Variants in LEMD1 observed in about 807,000 individuals in gnomAD.
The protein encoded by LEMD1 is LEM domain-containing protein 1.
A neutral mutation model predicts 17.4 loss-of-function variants in LEMD1; 18 were observed. That is an observed-to-expected ratio of 1.04 (90% CI 0.72 to 1.54). LEMD1 has a LOEUF of 1.54. Among genes scored for constraint, LEMD1 ranks in the 40% most tolerant of loss-of-function variants. The pLI is 0.00. For missense variants in LEMD1, 195 were observed against 210.4 expected (o/e 0.93, Z 0.45); for synonymous variants, 88 against 77.8 (o/e 1.13, Z -0.69).
intron 4 of LEMD1, among the ~76,000 whole-genome samples, chr1:205,406,312 G>T (rs1665100019): frequency 6.6e-6 from 1 of 152,236 alleles, no homozygotes; most frequent in African/African-American, 2.4e-5. Flanking sequence ...CCCAGAGGTG[G>T]AGCCTACAGA....
chr1:205,438,091 C>A (rs1287366933), intron 1 of LEMD1, among the ~76,000 whole-genome samples: 1 of 152,202 alleles, frequency 6.6e-6, no homozygotes, highest in Non-Finnish European at 1.5e-5. Flanking sequence ...CTAGGCAACA[C>A]TCAAGTCACA....
Position 205,448,029 on chromosome 1 carries a change from G to C in LEMD1, c.-39+1839C>G, listed in dbSNP as rs1431338768. Among the ~76,000 whole-genome samples the C allele has an allele frequency of 6.6e-6, 1 of 152,178 alleles. No homozygotes were observed. Among genetic ancestry groups the C allele is most frequent in the Non-Finnish European group, 1.5e-5 (1 of 68,028 alleles). ...CAGGCCTCAGTAATTTGGCAAGGGG[G>C]AAGGAACCGACTCAGAAAGCTCAGC... On this transcript the variant is annotated intron_variant, in intron 1 of 3. Transcript: ENST00000367154. This position sits in a 1 kb window ranked among gnomAD's most constrained non-coding sequence, Gnocchi z 4.7.
In LEMD1 at chr1:205,410,114, T is replaced by A. The variant is rs575955229; in HGVS notation, c.270+6118A>T. On this transcript the variant is annotated intron_variant, in intron 4 of 5. Transcript: ENST00000367153. ...TTTTTATTTTTCTTGTAGAGATGGGTTCTTGTCATGTTGCCCAAACTGGTC... is the reference window on the plus strand; with the variant it reads ...TTTTTATTTTTCTTGTAGAGATGGGATCTTGTCATGTTGCCCAAACTGGTC... Among the ~76,000 whole-genome samples the A allele has an allele frequency of 4.6e-5, 7 of 151,910 alleles. No individual in the cohort carries two copies. The South Asian group carries it at 1.3e-3, about 27-fold the overall frequency.
intron 4 of LEMD1, among the ~76,000 whole-genome samples, chr1:205,391,163 A>T (rs543239966): frequency 2.0e-5 from 3 of 152,354 alleles, no homozygotes; most frequent in African/African-American, 4.8e-5. Flanking sequence ...GAAGAAAAAA[A>T]AATGGACCAT....
intron 4 of LEMD1, among the ~76,000 whole-genome samples, chr1:205,414,846 C>T (rs980567664): frequency 5.3e-5 from 8 of 152,050 alleles, no homozygotes; most frequent in African/African-American, 1.9e-4. Context: ...TATCATGGTG[C>T]CACTGCACTC....
At chr1:205,389,920 A>G (rs1664246500) in intron 4 of LEMD1, among the ~76,000 whole-genome samples, 1 of 152,254 alleles carries the variant, frequency 6.6e-6, no homozygotes, top group African/African-American at 2.4e-5. Flanking sequence ...CTGATATGAT[A>G]AAGCTTTTAT....
chr1:205,394,654 G>A (rs1203044877), intron 4 of LEMD1, among the ~76,000 whole-genome samples: 1 of 152,010 alleles, frequency 6.6e-6, no homozygotes, highest in African/African-American at 2.4e-5. Context: ...CAAAGTGCTG[G>A]GATTACAGGC....
chr1:205,433,591 C>G (rs567424927), intron 1 of LEMD1, among the ~76,000 whole-genome samples: 52 of 152,324 alleles, frequency 3.4e-4, no homozygotes, highest in African/African-American at 1.2e-3. Flanking sequence ...AGAACAGATT[C>G]AGTCAACAGC....
chr1:205,428,149 T>A (rs759909109), intron 1 of LEMD1, among the ~76,000 whole-genome samples: 3 of 152,232 alleles, frequency 2.0e-5, no homozygotes, highest in East Asian at 1.9e-4. Flanking sequence ...TCCATAATTT[T>A]AAAACATTTA....
chr1:205,384,696 T>C (rs1663903465), intron 4 of LEMD1, among the ~76,000 whole-genome samples: 2 of 152,202 alleles, frequency 1.3e-5, no homozygotes, highest in Non-Finnish European at 2.9e-5. Flanking sequence ...AGCTCTTTTT[T>C]ATGAGCATGC....
intron 1 of LEMD1, among the ~76,000 whole-genome samples, chr1:205,429,171 T>A (rs571027799): frequency 6.6e-6 from 1 of 152,228 alleles, no homozygotes; most frequent in Non-Finnish European, 1.5e-5. Flanking sequence ...CCATCTCCAA[T>A]GACCTAGAGA....
At chr1:205,388,293 G>A (rs1260683058) in intron 4 of LEMD1, among the ~76,000 whole-genome samples, 1 of 152,014 alleles carries the variant, frequency 6.6e-6, no homozygotes, top group East Asian at 1.9e-4. Context: ...CGCCTCCCAG[G>A]TTCAAGTGAT....
chr1:205,447,958 T>C (rs1245751405), intron 1 of LEMD1, among the ~76,000 whole-genome samples: 4 of 152,184 alleles, frequency 2.6e-5, no homozygotes, highest in Non-Finnish European at 4.4e-5. Context: ...CAAGTCTTCA[T>C]GGCCTGAGGC....
intron 4 of LEMD1, among the ~76,000 whole-genome samples, chr1:205,401,626 A>C (rs1403107832): frequency 2.0e-5 from 3 of 151,416 alleles, no homozygotes; most frequent in Non-Finnish European, 2.9e-5. Context: ...GGTTGCAAAA[A>C]TTTTCTCCCA....
chr1:205,411,179 AAAGAAGGAAAGGAAGGAAGGAAGG>A (rs1665385858), intron 4 of LEMD1, among the ~76,000 whole-genome samples: 1 of 146,920 alleles, frequency 6.8e-6, no homozygotes, highest in South Asian at 2.2e-4. Flanking sequence ...AGAAAGAAGG[AAAGAAGGAAAGGAAGGAAGGAAGG>A]AAGAAAGAAA....
At chr1:205,392,738 T>C (rs1438770030) in intron 4 of LEMD1, among the ~76,000 whole-genome samples, 1 of 151,950 alleles carries the variant, frequency 6.6e-6, no homozygotes, top group Non-Finnish European at 1.5e-5. Flanking sequence ...GACCTAACAT[T>C]TGTGTCATCA....
At chr1:205,394,975 A>C (rs1208865449) in intron 4 of LEMD1, among the ~76,000 whole-genome samples, 2 of 151,464 alleles carry the variant, frequency 1.3e-5, no homozygotes, top group Non-Finnish European at 2.9e-5. Context: ...TGACACAGTG[A>C]GACTCCTTCT....
At position 205,448,360 on chromosome 1, in the gene LEMD1, A is replaced by G. The variant is rs1666438961; in HGVS notation, c.-39+1508T>C. Reference sequence around the variant, plus strand: ...AGCCCTACATGAGTTTGGGACAGCAATCACATAGGAATGAAAAGCCATAGG... The same window carrying G: ...AGCCCTACATGAGTTTGGGACAGCAGTCACATAGGAATGAAAAGCCATAGG... On this transcript the variant is annotated intron_variant, in intron 1 of 3. Coordinates refer to the LEMD1 transcript ENST00000367154. This position sits in a 1 kb window ranked among gnomAD's most constrained non-coding sequence, Gnocchi z 4.7. 3.7e-6 allele frequency: 2 copies of G among 534,454 alleles called. No homozygotes were observed. Among genetic ancestry groups the G allele is most frequent in the Non-Finnish European group, 7.7e-6 (2 of 259,994 alleles). 33.1% of individuals were successfully genotyped at this position (534,454 alleles called of 1,614,324 possible).
chr1:205,389,986 T>C (rs1055602707), intron 4 of LEMD1, among the ~76,000 whole-genome samples: 3 of 152,170 alleles, frequency 2.0e-5, no homozygotes, highest in African/African-American at 7.2e-5. Context: ...CTAAAAGGCT[T>C]TAAAAATTAT....
Sources: gnomAD v4.1 joint callset for allele counts (sites outside exome capture counted in the v4.1 genomes callset) on GRCh38, gnomAD v4.1.1 for gene constraint, Gnocchi (gnomAD v3.1) non-coding constraint, MANE v1.5 for transcripts, NCBI Gene and HGNC (gene_info 2026-07-23, HGNC 2026-07-21) for gene names.